CGNL1: variants seen among roughly 807,000 people sequenced by gnomAD.
CGNL1 encodes the protein cingulin-like protein 1.
A neutral mutation model predicts 141.2 loss-of-function variants in CGNL1; 132 were observed. The ratio of observed to expected loss-of-function variants is 0.93; its 90% CI spans 0.81 to 1.08. The LOEUF (loss-of-function observed/expected upper bound fraction) is 1.08. Ranked by LOEUF, CGNL1 falls within the 50% of genes least tolerant of loss-of-function variation. The pLI is 0.00. For synonymous variants in CGNL1, 690 were observed against 622.1 expected, an observed-to-expected ratio of 1.11 and a Z score of -1.63; for missense variants, 1,870 against 1,588.6, an observed-to-expected ratio of 1.18 and a Z score of -3.01.
At chr15:57,484,587 G>A (rs1347507700) in intron 8 of CGNL1, among the ~76,000 whole-genome samples, 1 of 152,076 alleles carries the variant, frequency 6.6e-6, no homozygotes, top group African/African-American at 2.4e-5. Context: ...TGGGATACAT[G>A]TGCTGAATGT....
chr15:57,498,245 G>GTTT (rs56793548), intron 8 of CGNL1, among the ~76,000 whole-genome samples: 1,774 of 101,004 alleles, frequency 0.018, 108 homozygotes, highest in African/African-American at 0.036. Context: ...TGGGGAAACA[G>GTTT]TTTTTTTTTT....
chr15:57,417,640 T>C (rs1395012161), intron 1 of CGNL1, among the ~76,000 whole-genome samples: 1 of 150,110 alleles, frequency 6.7e-6, no homozygotes, highest in Non-Finnish European at 1.5e-5. Flanking sequence ...GGATTTCAGA[T>C]TGCTGGGGAA....
At chr15:57,471,985 C>G (rs2063587696) in intron 8 of CGNL1, among the ~76,000 whole-genome samples, 1 of 151,952 alleles carries the variant, frequency 6.6e-6, no homozygotes, top group African/African-American at 2.4e-5. Flanking sequence ...ACCCTGTAGT[C>G]CTAGCTACCA....
chr15:57,443,942 A>G (rs1265525174), intron 4 of CGNL1, among the ~76,000 whole-genome samples: 4 of 152,294 alleles, frequency 2.6e-5, no homozygotes, highest in African/African-American at 7.2e-5. Context: ...TATCCTTTTT[A>G]TATTGTTTTA....
rs1225862814 is a variant in CGNL1 at position 57,398,663 on chromosome 15, A to T, written c.-16+22096A>T. ...ACATAATAACTGAGCATGTTGGAAA[A>T]CCAGGCTGGCGTCATGGTGTAAATT... On this transcript the variant is annotated intron_variant, in intron 1 of 18. Transcript: ENST00000281282. Among the ~76,000 whole-genome samples the T allele has an allele frequency of 2.0e-5, 3 of 152,194 alleles. No homozygotes were observed. In the East Asian group the frequency reaches 5.8e-4, roughly 29 times the overall value.
rs149068235 is a variant in CGNL1 at position 57,413,893 on chromosome 15, G to T, written c.-15-24092G>T. 2.9e-4 allele frequency among the ~76,000 whole-genome samples: 44 copies of T among 152,226 alleles called. No homozygotes were observed. The East Asian group carries it at 7.7e-3, about 27-fold the overall frequency. The stretch of plus-strand genomic sequence containing the variant: ...TCAGTTTTACAGGGAACATTCTGTG[G>T]CTCTTTCAAGGAGATGCCTCCAGAG... On this transcript the variant is annotated intron_variant, in intron 1 of 18. Coordinates refer to ENST00000281282, the MANE Select transcript of CGNL1 (RefSeq NM_032866.5).
At chr15:57,490,075 A>C (rs1296301) in intron 8 of CGNL1, among the ~76,000 whole-genome samples, 2 of 151,930 alleles carry the variant, frequency 1.3e-5, no homozygotes, top group Non-Finnish European at 2.9e-5. Context: ...TCTCTACTGT[A>C]GACTGGACTT....
chr15:57,544,313 ATC>A (rs2032731534), intron 15 of CGNL1, among the ~76,000 whole-genome samples, 158 bp from the exon 16 acceptor site: 1 of 152,262 alleles, frequency 6.6e-6, no homozygotes, highest in African/African-American at 2.4e-5. Flanking sequence ...CCTTGGAAAC[ATC>A]TCTGTGTTCC....
At chr15:57,382,414 C>A (rs1191267182) in intron 1 of CGNL1, among the ~76,000 whole-genome samples, 2 of 152,344 alleles carry the variant, frequency 1.3e-5, no homozygotes, top group African/African-American at 4.8e-5. Flanking sequence ...TTTCTGCCAG[C>A]CTGGCCAGAA....
Position 57,453,824 on chromosome 15 carries a change from C to G in CGNL1, c.2190+6C>G, listed in dbSNP as rs769586497. On this transcript the variant is annotated splice_donor_region_variant and intron_variant, in intron 7 of 18. Transcript: ENST00000281282. ...AGAAGGGAGCTCTGATTGAGGTAAG[C>G]AGGGCTGTGGGGTCAGGTGATAAGA... 8 of 1,612,870 alleles carry G rather than the reference C, an allele frequency of 5.0e-6. No individual in the cohort carries two copies. Among genetic ancestry groups the G allele is most frequent in the Non-Finnish European group, 6.8e-6 (8 of 1,179,766 alleles).
intron 1 of CGNL1, among the ~76,000 whole-genome samples, chr15:57,386,537 C>G (rs1038129012): frequency 1.3e-5 from 2 of 152,096 alleles, no homozygotes; most frequent in Non-Finnish European, 2.9e-5. Context: ...GTGTGTGATT[C>G]GGGAAGCAGT....
chr15:57,463,399 C>G (rs1012024473), intron 8 of CGNL1, among the ~76,000 whole-genome samples: 1 of 152,208 alleles, frequency 6.6e-6, no homozygotes, highest in Admixed American at 6.5e-5. Context: ...TATATATTAA[C>G]TCATAGTATT....
At chr15:57,454,157 G>T (rs2063352807) in intron 7 of CGNL1, among the ~76,000 whole-genome samples, 1 of 152,124 alleles carries the variant, frequency 6.6e-6, no homozygotes, top group Non-Finnish European at 1.5e-5. Context: ...AAAAAGACAG[G>T]ACTTTTATCT....
At chr15:57,409,179 C>G (rs1434934715) in intron 1 of CGNL1, among the ~76,000 whole-genome samples, 1 of 152,138 alleles carries the variant, frequency 6.6e-6, no homozygotes, top group Non-Finnish European at 1.5e-5. Flanking sequence ...GGTCTGAAAT[C>G]TGGTCCAGGG....
chr15:57,467,936 C>T (rs781320057), intron 8 of CGNL1, among the ~76,000 whole-genome samples: 1 of 152,094 alleles, frequency 6.6e-6, no homozygotes, highest in Non-Finnish European at 1.5e-5. Flanking sequence ...ATAATTCACC[C>T]GCCTTGGCCT....
chr15:57,453,657 G>T (rs2063345877), intron 6 of CGNL1, 26 bp from the exon 7 acceptor site: 1 of 1,612,566 alleles, frequency 6.2e-7, no homozygotes, highest in African/African-American at 1.3e-5. Flanking sequence ...AGAAGAGCCT[G>T]TCTAATGGGC....
At chr15:57,379,255 A>G (rs1187439830) in intron 1 of CGNL1, among the ~76,000 whole-genome samples, 3 of 152,236 alleles carry the variant, frequency 2.0e-5, no homozygotes, top group Admixed American at 6.5e-5. Flanking sequence ...CCCCCCAAAA[A>G]GAAAAGTTTA....
chr15:57,515,636 T>C (rs551308111), intron 8 of CGNL1, among the ~76,000 whole-genome samples: 4 of 152,270 alleles, frequency 2.6e-5, no homozygotes, highest in Admixed American at 1.3e-4. Flanking sequence ...GGCAGGACCA[T>C]TTCCCATCAC....
At chr15:57,528,869 C>T (rs1176896137) in intron 13 of CGNL1, 54 bp downstream of exon 13, 4 of 1,568,330 alleles carry the variant, frequency 2.6e-6, no homozygotes, top group Admixed American at 1.9e-5. Flanking sequence ...GAGGCTGGGC[C>T]ACGAGAGAAG....
Sources: gnomAD v4.1 joint callset for allele counts (sites outside exome capture counted in the v4.1 genomes callset) on GRCh38, gnomAD v4.1.1 for gene constraint, MANE v1.5 for transcripts, NCBI Gene and HGNC (gene_info 2026-07-23, HGNC 2026-07-21) for gene names.